EPHB1: variants seen among roughly 807,000 people sequenced by gnomAD.
EPHB1 encodes EPH receptor B1.
In EPHB1, 30 loss-of-function variants were observed where a neutral mutation model predicts 94.4. The observed-to-expected ratio is 0.32, with a 90% CI of 0.24 to 0.43. The LOEUF (loss-of-function observed/expected upper bound fraction) is 0.43. EPHB1 is among the 20% of genes least tolerant of loss of function. The pLI, the probability that EPHB1 is intolerant of heterozygous loss-of-function variation, is 1.00. For missense variants in EPHB1, 1,055 were observed against 1,308.3 expected (o/e 0.81, Z 2.99); for synonymous variants, 522 against 489.1 (o/e 1.07, Z -0.89).
At chr3:135,048,453 A>C (rs568825570) in intron 3 of EPHB1, among the ~76,000 whole-genome samples, 6 of 151,956 alleles carry the variant, frequency 3.9e-5, no homozygotes, top group African/African-American at 1.2e-4. Context: ...TAATTTTACT[A>C]GACATGGGGT....
At chr3:135,153,722 T>C (rs368585864) in intron 5 of EPHB1, among the ~76,000 whole-genome samples, 1 of 152,226 alleles carries the variant, frequency 6.6e-6, no homozygotes, top group Admixed American at 6.5e-5. Context: ...ACTCTCTCAT[T>C]ATCATCTCTT....
chr3:135,001,028 G>T (rs1365043358), intron 3 of EPHB1, among the ~76,000 whole-genome samples: 1 of 152,128 alleles, frequency 6.6e-6, no homozygotes, highest in Non-Finnish European at 1.5e-5. Flanking sequence ...GGTCTGTTCA[G>T]CTGGCTCGGA....
At chr3:135,222,250 G>T (rs1943291984) in intron 12 of EPHB1, among the ~76,000 whole-genome samples, 1 of 152,180 alleles carries the variant, frequency 6.6e-6, no homozygotes, top group Non-Finnish European at 1.5e-5. Flanking sequence ...AACAGTTGAT[G>T]CCTAGTGGAT....
intron 3 of EPHB1, among the ~76,000 whole-genome samples, chr3:135,031,473 C>T (rs542229534): frequency 4.6e-5 from 7 of 152,224 alleles, no homozygotes; most frequent in Middle Eastern, 3.4e-3. Flanking sequence ...CCATGCCTGG[C>T]GAATTTTTGT....
At chr3:135,166,807 T>G in intron 8 of EPHB1, 135 bp from the exon 9 acceptor site, 3 of 807,506 alleles carry the variant, frequency 3.7e-6, no homozygotes, top group East Asian at 2.5e-5. Flanking sequence ...AGGGCTGAAG[T>G]GAGAGTTGCC....
chr3:134,968,373 A>G (rs930936023), intron 3 of EPHB1, among the ~76,000 whole-genome samples: 1 of 152,252 alleles, frequency 6.6e-6, no homozygotes, highest in Non-Finnish European at 1.5e-5. Context: ...AGAAAATTTA[A>G]AGAGATCCAG....
chr3:135,083,399 A>C (rs547187247), intron 3 of EPHB1, among the ~76,000 whole-genome samples: 1 of 151,658 alleles, frequency 6.6e-6, no homozygotes, highest in Non-Finnish European at 1.5e-5. Flanking sequence ...CAGAACGTAG[A>C]GATGACAGGA....
intron 1 of EPHB1, among the ~76,000 whole-genome samples, chr3:134,884,865 T>C (rs982028088): frequency 6.6e-6 from 1 of 152,224 alleles, no homozygotes; most frequent in African/African-American, 2.4e-5. Flanking sequence ...TCTTAGGACC[T>C]ACAGTCAGTC....
At chr3:134,970,780 T>C (rs1933942148) in intron 3 of EPHB1, among the ~76,000 whole-genome samples, 1 of 152,162 alleles carries the variant, frequency 6.6e-6, no homozygotes, top group Non-Finnish European at 1.5e-5. Flanking sequence ...GGACTCTGTC[T>C]CACACGTTCA....
intron 3 of EPHB1, among the ~76,000 whole-genome samples, chr3:135,052,263 GGT>G (rs1937190044): frequency 6.6e-6 from 1 of 152,104 alleles, no homozygotes; most frequent in Non-Finnish European, 1.5e-5. Flanking sequence ...ATGCATTTCT[GGT>G]GTGTGTCGAT....
chr3:134,929,031 G>A (rs1212436335), intron 2 of EPHB1, among the ~76,000 whole-genome samples: 1 of 152,224 alleles, frequency 6.6e-6, no homozygotes, highest in Non-Finnish European at 1.5e-5. Context: ...CCAGAAAGCA[G>A]AGAGGTGAAG....
chr3:134,802,824 C>T (rs556592762), intron 1 of EPHB1, among the ~76,000 whole-genome samples: 2 of 152,326 alleles, frequency 1.3e-5, no homozygotes, highest in East Asian at 3.9e-4. Flanking sequence ...GCATCTTATT[C>T]ATCTGCTCAC....
chr3:135,217,387 T>C (rs1453333773), intron 12 of EPHB1, among the ~76,000 whole-genome samples: 2 of 149,370 alleles, frequency 1.3e-5, no homozygotes, highest in Admixed American at 1.3e-4. Flanking sequence ...GACTGTGAAC[T>C]TCCCCTAAAG....
At position 134,795,362 on chromosome 3, in the gene EPHB1, CCTCT is replaced by C. The variant is rs988877393; in HGVS notation, c.-262_-259del. ...CTCTCCCAGGCTCGTTCTCCCTCGC[CCTCT>C]CTCTCTCACACACGCACGCACACAC... On this transcript the variant is annotated 5_prime_UTR_variant, in exon 1 of 16. Coordinates refer to ENST00000398015, the MANE Select transcript of EPHB1 (RefSeq NM_004441.5). The C allele has an allele frequency of 4.4e-5, 22 of 502,202 alleles. No homozygotes were observed. The highest frequency in any genetic ancestry group is 1.0e-4 in the African/African-American group (5 of 48,828). The allele number at this position is 502,202 out of a possible 1,614,324, so 31.1% of individuals were successfully genotyped here.
At chr3:135,096,019 A>G (rs527390425) in intron 3 of EPHB1, among the ~76,000 whole-genome samples, 1 of 152,306 alleles carries the variant, frequency 6.6e-6, no homozygotes, top group East Asian at 1.9e-4. Context: ...CACGTGGGGA[A>G]CATCTTTGTG....
chr3:135,175,601 A>G (rs1576446581), intron 9 of EPHB1, among the ~76,000 whole-genome samples: 1 of 152,228 alleles, frequency 6.6e-6, no homozygotes, highest in East Asian at 1.9e-4. Context: ...GTTTAAATCC[A>G]TACATAACAT....
chr3:135,099,868 G>A (rs1284442445), intron 3 of EPHB1, among the ~76,000 whole-genome samples: 1 of 152,156 alleles, frequency 6.6e-6, no homozygotes, highest in African/African-American at 2.4e-5. Context: ...GGAAGGGGAG[G>A]TTGTAGGAGC....
intron 4 of EPHB1, among the ~76,000 whole-genome samples, chr3:135,110,880 G>C (rs9851553): frequency 0.33 from 50,052 of 152,090 alleles, 8,630 homozygotes; most frequent in South Asian, 0.42. Context: ...GGGTGGGGGG[G>C]TGGTGTCCCT....
At chr3:134,821,093 G>A (rs1229515254) in intron 1 of EPHB1, among the ~76,000 whole-genome samples, 2 of 152,200 alleles carry the variant, frequency 1.3e-5, no homozygotes, top group Non-Finnish European at 2.9e-5. Flanking sequence ...CCCAGGAAGA[G>A]CCAATGTTTC....
Sources: allele counts gnomAD v4.1 joint callset (sites outside exome capture counted in the v4.1 genomes callset), GRCh38; gene constraint gnomAD v4.1.1; transcripts MANE v1.5; gene names NCBI Gene and HGNC (gene_info 2026-07-23, HGNC 2026-07-21).